Variants in TBC1D25 observed in about 807,000 individuals in gnomAD.
TBC1D25 encodes the protein TBC1 domain family member 25.
A neutral mutation model predicts 38.8 loss-of-function variants in TBC1D25; 13 were observed. The observed-to-expected ratio is 0.34, with a 90% CI of 0.22 to 0.53. The LOEUF (loss-of-function observed/expected upper bound fraction) is 0.53. Among genes scored for constraint, TBC1D25 ranks in the 20% least tolerant of loss-of-function variants. TBC1D25 has a pLI of 0.94. For missense variants in TBC1D25, 372 were observed against 600.0 expected (o/e 0.62, Z 3.97); for synonymous variants, 225 against 255.6 (o/e 0.88, Z 1.14).
At chrX:48,548,704 C>T (rs1025471572) in intron 3 of TBC1D25, among the ~76,000 whole-genome samples, 1 of 111,850 alleles carries the variant, frequency 8.9e-6, no homozygotes, top group Non-Finnish European at 1.9e-5. Flanking sequence ...CCGAGGGAAT[C>T]GGTTTGATGT....
rs140812102 is a variant in TBC1D25 at position 48,560,304 on chromosome X, C to A, written c.1396C>A (p.Arg466=). The A allele has an allele frequency of 3.3e-6, 4 of 1,209,743 alleles. No homozygotes were observed. The highest frequency in any genetic ancestry group is 4.5e-6 in the Non-Finnish European group (4 of 895,123). The change falls in exon 6 of 6, where the codon CGA becomes AGA. Residue 466 remains arginine (R), a synonymous_variant. Transcript: ENST00000376771. ...GFGGHRGWPV[R]QRHMLRPAGG... ...TGGTGGCCACAGGGGGTGGCCCGTGCGACAGAGGCACATGCTGAGGCCTGC... is the reference window on the plus strand; with the variant it reads ...TGGTGGCCACAGGGGGTGGCCCGTGAGACAGAGGCACATGCTGAGGCCTGC...
chrX:48,559,164 C>T lies in TBC1D25; in HGVS notation c.523C>T (p.Arg175Cys). ...FTQSILTQVG[R>C]TLSKVQQVLS... ...CCTCCCTCCCTCCTCATAGGTGGGC[C>T]GTACCTTGTCTAAGGTCCAACAAGT... Residue 175 changes from arginine (R) to cysteine (C), a missense_variant, in exon 5 of 6, where the codon CGT becomes TGT. This residue lies in a region of TBC1D25 where 312 missense variants were observed against 549.3 expected (regional missense o/e 0.57). Coordinates refer to ENST00000376771, the MANE Select transcript of TBC1D25 (RefSeq NM_002536.4). The T allele has an allele frequency of 8.3e-7, 1 of 1,210,198 alleles. No homozygotes were observed. Among genetic ancestry groups the T allele is most frequent in the Non-Finnish European group, 1.1e-6 (1 of 894,931 alleles).
intron 3 of TBC1D25, among the ~76,000 whole-genome samples, chrX:48,554,144 G>A (rs984115653): frequency 9.2e-6 from 1 of 108,805 alleles, no homozygotes; most frequent in Non-Finnish European, 1.9e-5. Context: ...TCACGCCACT[G>A]CGCTCCAGCC....
At chrX:48,546,963 A>G (rs6608814) in intron 3 of TBC1D25, among the ~76,000 whole-genome samples, 57,525 of 110,504 alleles carry the variant, frequency 0.52, 11,922 homozygotes, top group African/African-American at 0.76. Flanking sequence ...CAGCCTCAGG[A>G]AACTCATGTG....
At chrX:48,554,872 CCTT>C (rs1245830898) in intron 3 of TBC1D25, among the ~76,000 whole-genome samples, 2 of 111,897 alleles carry the variant, frequency 1.8e-5, no homozygotes, top group African/African-American at 3.2e-5. Flanking sequence ...CATAATGTGA[CCTT>C]CTTCATTTTA....
chrX:48,552,032 G>A (rs782041925), intron 3 of TBC1D25, among the ~76,000 whole-genome samples: 1 of 111,224 alleles, frequency 9.0e-6, no homozygotes, highest in Admixed American at 9.7e-5. Flanking sequence ...CATTCTCATG[G>A]CTACTATTTT....
chrX:48,551,019 T>C (rs2061927836), intron 3 of TBC1D25, among the ~76,000 whole-genome samples: 1 of 111,326 alleles, frequency 9.0e-6, no homozygotes, highest in South Asian at 3.7e-4. Flanking sequence ...TTTTATCCGG[T>C]TCCAGGAAAA....
At chrX:48,548,614 A>C (rs2061905512) in intron 3 of TBC1D25, among the ~76,000 whole-genome samples, 1 of 111,845 alleles carries the variant, frequency 8.9e-6, no homozygotes, top group South Asian at 3.7e-4. Context: ...TCTTATTAAA[A>C]ATAAAAGCAT....
At chrX:48,542,295 A>G (rs1472198290) in intron 2 of TBC1D25, among the ~76,000 whole-genome samples, 12 of 107,059 alleles carry the variant, frequency 1.1e-4, no homozygotes, top group Non-Finnish European at 1.9e-4. Flanking sequence ...CAGCCTCCCA[A>G]GTAGCTGGGA....
At chrX:48,556,961 G>A (rs1449936619) in intron 3 of TBC1D25, among the ~76,000 whole-genome samples, 5 of 109,679 alleles carry the variant, frequency 4.6e-5, no homozygotes. Context: ...AGGTGCAGTG[G>A]CTCACACCTG....
At chrX:48,559,501 CAGACTT>C in intron 5 of TBC1D25, 107 bp from the exon 6 acceptor site, 1 of 1,058,223 alleles carries the variant, frequency 9.4e-7, no homozygotes. Flanking sequence ...GGAGGCCTAG[CAGACTT>C]AGAAGGAAGA....
At chrX:48,548,421 CATT>C (rs1556982425) in intron 3 of TBC1D25, among the ~76,000 whole-genome samples, 1 of 111,428 alleles carries the variant, frequency 9.0e-6, no homozygotes, top group Non-Finnish European at 1.9e-5. Flanking sequence ...CAGCCTTAAT[CATT>C]ATAGTTTTAT....
intron 3 of TBC1D25, among the ~76,000 whole-genome samples, chrX:48,545,927 C>T (rs1040854381): frequency 1.8e-5 from 2 of 111,169 alleles, no homozygotes; most frequent in Non-Finnish European, 3.8e-5. Flanking sequence ...GAGCCCAAAT[C>T]CGCTGGGCAC....
chrX:48,556,812 G>A (rs1467935078), intron 3 of TBC1D25, among the ~76,000 whole-genome samples: 3 of 107,139 alleles, frequency 2.8e-5, no homozygotes, highest in South Asian at 8.3e-4. Context: ...TAGCCCTCTC[G>A]TATCAGGGCT....
intron 3 of TBC1D25, among the ~76,000 whole-genome samples, chrX:48,554,492 G>A (rs1469415623): frequency 1.9e-5 from 2 of 106,071 alleles, no homozygotes; most frequent in African/African-American, 3.5e-5. Flanking sequence ...CCCAGGAGGC[G>A]GAGGTTGCAG....
intron 1 of TBC1D25, among the ~76,000 whole-genome samples, chrX:48,540,340 A>C (rs2061828901): frequency 8.9e-6 from 1 of 111,907 alleles, no homozygotes. Context: ...GGGTGGAGAC[A>C]ACTAAAGAAA....
At chrX:48,541,482 G>A (rs782045709) in intron 2 of TBC1D25, 40 bp downstream of exon 2, 7 of 1,136,582 alleles carry the variant, frequency 6.2e-6, no homozygotes, top group Non-Finnish European at 7.2e-6. Context: ...GTGGGCCACC[G>A]ACCTCTACAG....
In TBC1D25 at chrX:48,560,053, T is replaced by G. The variant is rs782184431; in HGVS notation, c.1145T>G (p.Leu382Arg). 91 of 1,208,874 alleles carry G rather than the reference T, an allele frequency of 7.5e-5. No homozygotes were observed. Among genetic ancestry groups the G allele is most frequent in the Non-Finnish European group, 9.3e-5 (83 of 894,419 alleles). ...GCCACCAAGTTTGCACACTTGAAGC[T>G]GTTGCTGCGACACGCTGACCCTGAC... Reference protein sequence around the residue: ...AMATKFAHLKLLLRHADPDFY... With the variant: ...AMATKFAHLKRLLRHADPDFY... The change falls in exon 6 of 6, where the codon CTG (leucine) becomes CGG (arginine). Residue 382 changes from leucine to arginine, a missense_variant. By Grantham distance (102) the Leu-to-Arg change is moderately radical (BLOSUM62 -2). This residue lies in a region of TBC1D25 where 312 missense variants were observed against 549.3 expected (regional missense o/e 0.57). Transcript: ENST00000376771.
At chrX:48,555,669 A>G (rs2061969628) in intron 3 of TBC1D25, among the ~76,000 whole-genome samples, 1 of 111,262 alleles carries the variant, frequency 9.0e-6, no homozygotes, top group Non-Finnish European at 1.9e-5. Flanking sequence ...GAGGACCTGC[A>G]CCAGCGCCGG....
Sources: gnomAD v4.1 joint callset for allele counts (sites outside exome capture counted in the v4.1 genomes callset) on GRCh38, gnomAD v4.1.1 for gene constraint, gnomAD v4.1.1 regional missense constraint, MANE v1.5 for transcripts, NCBI Gene and HGNC (gene_info 2026-07-23, HGNC 2026-07-21) for gene names.